Variants in GNAT3 observed in about 807,000 individuals in gnomAD.
GNAT3 encodes the protein guanine nucleotide-binding protein G(t) subunit alpha-3.
Under a neutral mutation model 37.7 loss-of-function variants are expected in GNAT3, and 31 were observed. The ratio of observed to expected loss-of-function variants is 0.82; its 90% CI spans 0.62 to 1.11. GNAT3 has a LOEUF of 1.11. Ranked by LOEUF, GNAT3 falls within the 50% of genes most tolerant of loss-of-function variation. The probability of loss-of-function intolerance (pLI) is 0.00; values close to 1 mark genes in which losing one functional copy is unlikely to be tolerated. For missense variants in GNAT3, 437 were observed against 412.5 expected (o/e 1.06, Z -0.51); for synonymous variants, 138 against 139.8 (o/e 0.99, Z 0.09).
chr7:80,480,273 CATA>C (rs1039980134), intron 3 of GNAT3, among the ~76,000 whole-genome samples: 46 of 152,148 alleles, frequency 3.0e-4, no homozygotes, highest in African/African-American at 1.1e-3. Context: ...CAATATCACA[CATA>C]ATCCTCACAA....
chr7:80,497,234 C>A (rs554124484), intron 1 of GNAT3, among the ~76,000 whole-genome samples: 3 of 152,054 alleles, frequency 2.0e-5, no homozygotes, highest in Non-Finnish European at 4.4e-5. Flanking sequence ...ATAAAATCAT[C>A]TTGCCCATTT....
chr7:80,461,693 A>G (rs1337081640), intron 7 of GNAT3, among the ~76,000 whole-genome samples: 1 of 152,136 alleles, frequency 6.6e-6, no homozygotes, highest in African/African-American at 2.4e-5. Context: ...AAATTCCAGG[A>G]TCCACGAAAA....
chr7:80,458,724 C>A lies in GNAT3; in HGVS notation c.1012G>T (p.Ala338Ser). 1 of 1,597,686 alleles carries A rather than the reference C, an allele frequency of 6.3e-7. No individual in the cohort carries two copies. Among genetic ancestry groups the A allele is most frequent in the Non-Finnish European group, 8.5e-7 (1 of 1,171,320 alleles). The change falls in exon 8 of 8, where the codon GCA becomes TCA. Residue 338 changes from alanine to serine, a missense_variant. Ala to Ser is a moderately conservative substitution (Grantham distance 99). Coordinates refer to ENST00000398291, the MANE Select transcript of GNAT3 (RefSeq NM_001102386.3). ...DTQNVKFVFD[A>S]VTDIIIKENL... is the part of the protein sequence containing the mutation. Reference sequence around the variant, plus strand: ...TCTTTGATTATTATATCTGTAACTGCGTCAAACACAAACTTGACATTTTGG... The same window carrying A: ...TCTTTGATTATTATATCTGTAACTGAGTCAAACACAAACTTGACATTTTGG...
At chr7:80,467,641 G>C (rs974622342) in intron 5 of GNAT3, among the ~76,000 whole-genome samples, 7 of 152,074 alleles carry the variant, frequency 4.6e-5, no homozygotes, top group Admixed American at 4.6e-4. Context: ...CCAAAGTGAA[G>C]TAATTGCTTA....
chr7:80,501,988 A>C (rs1790841971), intron 1 of GNAT3, among the ~76,000 whole-genome samples: 1 of 151,980 alleles, frequency 6.6e-6, no homozygotes, highest in Admixed American at 6.6e-5. Context: ...ATGATCTTTT[A>C]TTTAGATATT....
intron 1 of GNAT3, among the ~76,000 whole-genome samples, chr7:80,497,629 C>CGT (rs1562732973): frequency 2.6e-5 from 3 of 116,264 alleles, no homozygotes; most frequent in African/African-American, 8.9e-5. Flanking sequence ...TACGTATATA[C>CGT]ATATACGTAT....
intron 5 of GNAT3, among the ~76,000 whole-genome samples, chr7:80,473,182 C>T (rs565455626): frequency 1.2e-4 from 18 of 152,276 alleles, no homozygotes; most frequent in Admixed American, 5.2e-4. Flanking sequence ...TGATCCCAAT[C>T]GGTGCAGTCC....
intron 1 of GNAT3, among the ~76,000 whole-genome samples, chr7:80,502,540 G>C (rs553550579): frequency 6.6e-6 from 1 of 151,734 alleles, no homozygotes; most frequent in Non-Finnish European, 1.5e-5. Flanking sequence ...TTTTAAAAAG[G>C]CCTTGGTTAA....
intron 4 of GNAT3, among the ~76,000 whole-genome samples, chr7:80,478,168 C>T (rs1303028344): frequency 6.6e-6 from 1 of 152,200 alleles, no homozygotes; most frequent in East Asian, 1.9e-4. Flanking sequence ...GCCATGGCCT[C>T]CCAAAGTGCT....
At chr7:80,493,022 A>G (rs893392037) in intron 2 of GNAT3, among the ~76,000 whole-genome samples, 3 of 151,904 alleles carry the variant, frequency 2.0e-5, no homozygotes, top group Admixed American at 6.6e-5. Flanking sequence ...TTAGCAATCT[A>G]TGGGCCTTTA....
chr7:80,469,388 T>C (rs1244163423), intron 5 of GNAT3, among the ~76,000 whole-genome samples: 1 of 152,184 alleles, frequency 6.6e-6, no homozygotes, highest in African/African-American at 2.4e-5. Context: ...AATACATGTC[T>C]AAGTTATTTG....
chr7:80,462,737 G>T, intron 5 of GNAT3, 106 bp from the exon 6 acceptor site: 1 of 738,308 alleles, frequency 1.4e-6, no homozygotes, highest in East Asian at 3.1e-5. Flanking sequence ...ATCTTCAAAA[G>T]GTATTCTTTT....
chr7:80,460,480 C>A (rs576898141), intron 7 of GNAT3, among the ~76,000 whole-genome samples: 1 of 152,082 alleles, frequency 6.6e-6, no homozygotes, highest in African/African-American at 2.4e-5. Context: ...TGGCCGGGGA[C>A]GGTGGCTCAT....
chr7:80,500,164 T>C (rs534374923), intron 1 of GNAT3, among the ~76,000 whole-genome samples: 2 of 152,024 alleles, frequency 1.3e-5, no homozygotes, highest in South Asian at 4.2e-4. Flanking sequence ...TAGACCTGCC[T>C]CACTCCTGGT....
chr7:80,464,764 T>A (rs1790105432), intron 5 of GNAT3, among the ~76,000 whole-genome samples: 1 of 152,108 alleles, frequency 6.6e-6, no homozygotes, highest in African/African-American at 2.4e-5. Context: ...GTACAATATA[T>A]TATACTTCGT....
intron 5 of GNAT3, among the ~76,000 whole-genome samples, chr7:80,472,058 G>A (rs968882595): frequency 1.3e-5 from 2 of 151,932 alleles, no homozygotes; most frequent in African/African-American, 4.8e-5. Flanking sequence ...CCAGGAGCTC[G>A]GGGGCATATG....
At chr7:80,496,154 G>A (rs1790712013) in intron 1 of GNAT3, among the ~76,000 whole-genome samples, 1 of 151,918 alleles carries the variant, frequency 6.6e-6, no homozygotes, top group African/African-American at 2.4e-5. Context: ...TTTTTGAGAT[G>A]GAATCTCGCT....
At chr7:80,485,589 A>T (rs1264770693) in intron 3 of GNAT3, among the ~76,000 whole-genome samples, 2 of 152,136 alleles carry the variant, frequency 1.3e-5, no homozygotes, top group African/African-American at 4.8e-5. Flanking sequence ...GACAAATATT[A>T]TTTCCATCTC....
At position 80,458,786 on chromosome 7, in the gene GNAT3, T is replaced by C. The variant is rs773981099; in HGVS notation, c.950A>G (p.Lys317Arg). 1 of 1,596,442 alleles carries C rather than the reference T, an allele frequency of 6.3e-7. No individual in the cohort carries two copies. The highest frequency in any genetic ancestry group is 1.3e-5 in the African/African-American group (1 of 74,440). Residue 317 changes from lysine to arginine, a missense_variant, in exon 8 of 8, where the codon AAG (lysine) becomes AGG (arginine). By Grantham distance (26) the Lys-to-Arg change is conservative. Coordinates refer to ENST00000398291, the MANE Select transcript of GNAT3 (RefSeq NM_001102386.3). ...ACAGGTCATGTGGGAATAAATTTCCTTATCTTCTTTTTTTAAATTCAGGTC... is the reference window on the plus strand; with the variant it reads ...ACAGGTCATGTGGGAATAAATTTCCCTATCTTCTTTTTTTAAATTCAGGTC... ...FLDLNLKKED[K>R]EIYSHMTCAT...
Sources: allele counts gnomAD v4.1 joint callset (sites outside exome capture counted in the v4.1 genomes callset), GRCh38; gene constraint gnomAD v4.1.1; transcripts MANE v1.5; gene names NCBI Gene and HGNC (gene_info 2026-07-23, HGNC 2026-07-21).